GSK3B: variants seen among roughly 807,000 people sequenced by gnomAD.
GSK3B encodes the protein glycogen synthase kinase-3 beta.
A neutral mutation model predicts 56.4 loss-of-function variants in GSK3B; 15 were observed. The observed-to-expected ratio is 0.27, with a 90% CI of 0.18 to 0.41. GSK3B has a LOEUF of 0.41. GSK3B is among the 10% of genes least tolerant of loss of function. The pLI is 1.00. For missense variants in GSK3B, 300 were observed against 513.4 expected, an observed-to-expected ratio of 0.58 and a Z score of 4.02; for synonymous variants, 181 against 188.9, an observed-to-expected ratio of 0.96 and a Z score of 0.34.
chr3:120,071,764 T>C (rs1269362376), intron 1 of GSK3B, among the ~76,000 whole-genome samples: 1 of 152,190 alleles, frequency 6.6e-6, no homozygotes, highest in Non-Finnish European at 1.5e-5. Context: ...TGTAATGCAC[T>C]TGAATCATGC....
chr3:119,842,692 G>A (rs1034915891), intron 10 of GSK3B, among the ~76,000 whole-genome samples: 1 of 151,874 alleles, frequency 6.6e-6, no homozygotes, highest in African/African-American at 2.4e-5. Flanking sequence ...TCCTGGCCTC[G>A]AGTGATCCTC....
At chr3:119,995,701 GGCATGAGCCACC>G (rs2057609866) in intron 2 of GSK3B, among the ~76,000 whole-genome samples, 1 of 150,222 alleles carries the variant, frequency 6.7e-6, no homozygotes, top group African/African-American at 2.5e-5. Context: ...TGGGATTACA[GGCATGAGCCACC>G]GCACCCGGCC....
At chr3:119,950,917 G>A (rs899594558) in intron 2 of GSK3B, among the ~76,000 whole-genome samples, 2 of 152,146 alleles carry the variant, frequency 1.3e-5, no homozygotes, top group African/African-American at 4.8e-5. Context: ...AAACCAGAGG[G>A]CTATGGTCAT....
chr3:119,898,025 A>G (rs1404926755), intron 7 of GSK3B, among the ~76,000 whole-genome samples: 2 of 152,156 alleles, frequency 1.3e-5, no homozygotes, highest in African/African-American at 2.4e-5. Flanking sequence ...ATACATAGTA[A>G]GCTGAAAATA....
rs147079916 is a variant in GSK3B, at chr3:119,971,521, C to A, written c.283-24170G>T. ...ATTATAGCTTCCATAGTTTTAGTAA[C>A]TGGCCTTATATATTTGGGTATACAT... On this transcript the variant is annotated intron_variant, in intron 2 of 10. Coordinates refer to ENST00000264235, the MANE Select transcript of GSK3B (RefSeq NM_001146156.2). 2.7e-4 allele frequency among the ~76,000 whole-genome samples: 41 copies of A among 150,634 alleles called. 1 individual carries two copies. The East Asian group carries it at 7.8e-3, about 29-fold the overall frequency.
At chr3:119,947,813 A>G (rs1443773293) in intron 2 of GSK3B, among the ~76,000 whole-genome samples, 1 of 151,634 alleles carries the variant, frequency 6.6e-6, no homozygotes, top group Non-Finnish European at 1.5e-5. Flanking sequence ...CATCAACTCC[A>G]TGAAAAGAGC....
At chr3:119,880,731 C>T (rs758885452) in intron 7 of GSK3B, among the ~76,000 whole-genome samples, 31 of 152,242 alleles carry the variant, frequency 2.0e-4, no homozygotes, top group Admixed American at 1.7e-3. Flanking sequence ...ATTATTAACA[C>T]TTATTCTAAC....
intron 2 of GSK3B, among the ~76,000 whole-genome samples, chr3:119,955,649 TTTGTTG>T (rs143437523): frequency 0.24 from 36,274 of 151,332 alleles, 4,729 homozygotes; most frequent in East Asian, 0.48. Context: ...TGCTTTTGTT[TTTGTTG>T]TTGTTGTTGT....
At chr3:120,080,765 A>G (rs2058412324) in intron 1 of GSK3B, among the ~76,000 whole-genome samples, 1 of 151,966 alleles carries the variant, frequency 6.6e-6, no homozygotes, top group African/African-American at 2.4e-5. Flanking sequence ...TGGGAGGCAG[A>G]GATTGCAGTG....
intron 1 of GSK3B, among the ~76,000 whole-genome samples, chr3:120,021,899 T>C (rs1034163845): frequency 1.3e-5 from 2 of 152,168 alleles, no homozygotes; most frequent in Non-Finnish European, 2.9e-5. Flanking sequence ...AAAGTTCTAC[T>C]ATGGGTAAAA....
At chr3:119,976,041 G>C (rs2057405787) in intron 2 of GSK3B, among the ~76,000 whole-genome samples, 1 of 151,954 alleles carries the variant, frequency 6.6e-6, no homozygotes, top group African/African-American at 2.4e-5. Flanking sequence ...CACGAGGATG[G>C]GTATAATAAA....
At position 120,083,157 on chromosome 3, in the gene GSK3B, C is replaced by A. The variant is rs571888598; in HGVS notation, c.88+10190G>T. 2.6e-5 allele frequency among the ~76,000 whole-genome samples: 4 copies of A among 152,094 alleles called. No homozygotes were observed. The South Asian group carries it at 8.3e-4, about 32-fold the overall frequency. On this transcript the variant is annotated intron_variant, in intron 1 of 10. Transcript: ENST00000264235. The stretch of plus-strand genomic sequence containing the variant: ...CTTTTGGAACAAATATGGAAAAAAA[C>A]AATGAACAACTTTTCCAGGTATATT...
intron 7 of GSK3B, among the ~76,000 whole-genome samples, chr3:119,903,859 C>T (rs577854337): frequency 1.1e-4 from 17 of 152,114 alleles, no homozygotes; most frequent in Admixed American, 9.2e-4. Flanking sequence ...AGCTCAAGTA[C>T]GTCAAATAAA....
At chr3:119,985,424 A>G (rs576798836) in intron 2 of GSK3B, among the ~76,000 whole-genome samples, 2 of 152,332 alleles carry the variant, frequency 1.3e-5, no homozygotes, top group East Asian at 3.9e-4. Context: ...ACATGATTGT[A>G]TATTTGGAAA....
At chr3:119,980,050 G>T (rs1325401850) in intron 2 of GSK3B, among the ~76,000 whole-genome samples, 1 of 151,900 alleles carries the variant, frequency 6.6e-6, no homozygotes, top group African/African-American at 2.4e-5. Flanking sequence ...CTATATATGT[G>T]TTGTCTGTGC....
At chr3:120,081,924 C>A (rs985548391) in intron 1 of GSK3B, among the ~76,000 whole-genome samples, 6 of 152,100 alleles carry the variant, frequency 3.9e-5, no homozygotes, top group Admixed American at 2.0e-4. Flanking sequence ...AAAGAGGTGG[C>A]ATTTGAGACT....
At chr3:120,017,514 A>T (rs574761374) in intron 1 of GSK3B, among the ~76,000 whole-genome samples, 21 of 152,334 alleles carry the variant, frequency 1.4e-4, no homozygotes, top group Non-Finnish European at 2.9e-4. Context: ...CCTCACCTGA[A>T]ATATGCAGAT....
chr3:119,927,475 T>C (rs1576205548), intron 3 of GSK3B, among the ~76,000 whole-genome samples: 1 of 152,002 alleles, frequency 6.6e-6, no homozygotes, highest in South Asian at 2.1e-4. Flanking sequence ...ATGAGACTAA[T>C]AGAGAATCCA....
chr3:119,971,772 C>T (rs374284810), intron 2 of GSK3B, among the ~76,000 whole-genome samples: 52 of 150,028 alleles, frequency 3.5e-4, no homozygotes, highest in Admixed American at 8.6e-4. Flanking sequence ...CCACTACGCC[C>T]GGCTAATTTT....
Sources: allele counts gnomAD v4.1 joint callset (sites outside exome capture counted in the v4.1 genomes callset), GRCh38; gene constraint gnomAD v4.1.1; transcripts MANE v1.5; gene names NCBI Gene and HGNC (gene_info 2026-07-23, HGNC 2026-07-21).